Variants in BLOC1S3 observed in about 807,000 individuals in gnomAD.
BLOC1S3 encodes biogenesis of lysosomal organelles complex 1 subunit 3.
BLOC1S3 carries 7 observed loss-of-function variants against 9.1 expected under a neutral mutation model. The observed-to-expected ratio is 0.77, with a 90% confidence interval of 0.44 to 1.45. The LOEUF is 1.45. Among genes scored for constraint, BLOC1S3 ranks in the 40% most tolerant of loss-of-function variants. The pLI is 0.01. For missense variants in BLOC1S3, 307 were observed against 315.2 expected (o/e 0.97, Z 0.20); for synonymous variants, 145 against 158.4 (o/e 0.92, Z 0.64).
rs200567085 is a variant in BLOC1S3, at chr19:45,179,787, G to A, written c.491G>A (p.Arg164His). Residue 164 changes from arginine (R) to histidine (H), a missense_variant, in exon 2 of 2, where the codon CGC becomes CAC. Coordinates refer to ENST00000433642, the MANE Select transcript of BLOC1S3 (RefSeq NM_212550.5). This position sits in a 1 kb window ranked among gnomAD's most constrained non-coding sequence, Gnocchi z 4.6. Reference sequence around the variant, plus strand: ...GCGGCCCACAGCGTGCGCCTGGCGCGCGGGGACCTTTGTGCGCTGGCCGAG... The same window carrying A: ...GCGGCCCACAGCGTGCGCCTGGCGCACGGGGACCTTTGTGCGCTGGCCGAG... The part of the protein sequence containing the change: ...LAAAHSVRLA[R>H]GDLCALAERL... 321 of 1,578,042 alleles carry A rather than the reference G, an allele frequency of 2.0e-4. 2 individuals carry two copies. The African/African-American group carries it at 4.0e-3, about 20-fold the overall frequency.
rs375086372 is a variant in BLOC1S3 at position 45,203,857 on chromosome 19, G to A, written n.282+1350G>A. ...GCTGCCAGGAGATGTGGGAGGGGTG[G>A]CATTTTGGGGTAGCACCTCACCCCA... On this transcript the variant is annotated intron_variant and non_coding_transcript_variant, in intron 3 of 3. Coordinates refer to the BLOC1S3 transcript ENST00000591569. Among the ~76,000 whole-genome samples, 432 of 152,190 alleles carry A rather than the reference G, an allele frequency of 2.8e-3. 7 individuals carry two copies. Among genetic ancestry groups the A allele is most frequent in the African/African-American group, 9.9e-3 (410 of 41,530 alleles).
At chr19:45,187,855 T>G (rs2122899885) in intron 2 of BLOC1S3, 1 of 152,192 alleles carries the variant, frequency 6.6e-6, no homozygotes, top group African/African-American at 2.4e-5. Context: ...TACCCTCCCG[T>G]GCACTTTATT....
At chr19:45,202,812 T>C (rs1041302261) in intron 3 of BLOC1S3, among the ~76,000 whole-genome samples, 1 of 152,116 alleles carries the variant, frequency 6.6e-6, no homozygotes, top group Non-Finnish European at 1.5e-5. Flanking sequence ...GAGCACTCTC[T>C]GGCAACCACT....
chr19:45,194,106 T>C, intron 2 of BLOC1S3, among the ~76,000 whole-genome samples: 1 of 79,376 alleles, frequency 1.3e-5, no homozygotes, highest in African/African-American at 5.1e-5. Flanking sequence ...CCTGGCCTTT[T>C]TTTTTTTTTT....
chr19:45,216,061 G>A (rs372606996), intron 3 of BLOC1S3: 285 of 1,613,062 alleles, frequency 1.8e-4, no homozygotes, highest in Non-Finnish European at 2.2e-4. Flanking sequence ...TGGCCCAGGC[G>A]GGGTGTCTCA....
At chr19:45,186,873 G>C (rs974467013), upstream of BLOC1S3, among the ~76,000 whole-genome samples, 4 of 152,282 alleles carry the variant, frequency 2.6e-5, no homozygotes, top group East Asian at 5.8e-4. Context: ...CTGGACTCTG[G>C]GCTGTCCTCT....
At position 45,179,558 on chromosome 19, in the gene BLOC1S3, G is replaced by T; in HGVS notation, c.262G>T (p.Glu88Ter). The T allele has an allele frequency of 6.6e-7, 1 of 1,518,206 alleles. No homozygotes were observed. Among genetic ancestry groups the T allele is most frequent in the Non-Finnish European group, 8.8e-7 (1 of 1,140,440 alleles). The allele number at this position is 1,518,206 out of a possible 1,614,324, so 94.0% of individuals were successfully genotyped here. A position where few individuals can be genotyped will look rare whatever the true frequency, so the allele number is the denominator to read the frequency against. ...RDLPPLVVQR[E>*]SAEEAWGTEE... ...CCTGCCTCCACTCGTGGTGCAGCGGGAATCGGCGGAGGAGGCCTGGGGCAC... is the reference window on the plus strand; with the variant it reads ...CCTGCCTCCACTCGTGGTGCAGCGGTAATCGGCGGAGGAGGCCTGGGGCAC... Residue 88 changes from glutamate to a stop codon, truncating the protein, a stop_gained, in exon 2 of 2, where the codon GAA becomes TAA. Coordinates refer to ENST00000433642, the MANE Select transcript of BLOC1S3 (RefSeq NM_212550.5). LOFTEE classifies it high-confidence loss of function. The surrounding 1 kb of genome is among the most constrained non-coding windows in gnomAD (Gnocchi z 4.6).
intron 2 of BLOC1S3, among the ~76,000 whole-genome samples, chr19:45,200,833 A>C (rs920529920): frequency 3.9e-5 from 6 of 152,224 alleles, no homozygotes; most frequent in Admixed American, 2.6e-4. Context: ...GTTGTGAACT[A>C]AACTTTTGGT....
At chr19:45,208,614 G>A (rs1208059521) in intron 3 of BLOC1S3, among the ~76,000 whole-genome samples, 4 of 152,120 alleles carry the variant, frequency 2.6e-5, no homozygotes, top group African/African-American at 7.2e-5. Context: ...AATTAGCTGG[G>A]TGTGGTGGTG....
At chr19:45,188,240 C>T (rs1469007965) in intron 2 of BLOC1S3, among the ~76,000 whole-genome samples, 1 of 152,178 alleles carries the variant, frequency 6.6e-6, no homozygotes, top group Non-Finnish European at 1.5e-5. Context: ...CCAGGCTGGT[C>T]TCGAACTCCC....
intron 2 of BLOC1S3, among the ~76,000 whole-genome samples, chr19:45,190,405 T>C (rs1480213673): frequency 2.6e-5 from 4 of 151,872 alleles, no homozygotes; most frequent in Admixed American, 6.6e-5. Flanking sequence ...TTTTTGTTTG[T>C]TTGTTTCTTG....
intron 3 of BLOC1S3, among the ~76,000 whole-genome samples, chr19:45,208,252 A>G (rs10415550): frequency 0.67 from 101,458 of 151,478 alleles, 35,235 homozygotes; most frequent in African/African-American, 0.86. Flanking sequence ...GATTACAGGC[A>G]TGAGCCACCA....
chr19:45,209,977 A>G (rs1014039382), intron 3 of BLOC1S3, among the ~76,000 whole-genome samples: 9 of 146,972 alleles, frequency 6.1e-5, no homozygotes, highest in Admixed American at 2.7e-4. Context: ...TGATCCGCCC[A>G]CCTCAGCCAC....
chr19:45,202,031 G>C lies in BLOC1S3; in HGVS notation n.181-375G>C, dbSNP rs1328428301. On this transcript the variant is annotated intron_variant and non_coding_transcript_variant, in intron 2 of 3. Transcript: ENST00000591569. The stretch of plus-strand genomic sequence containing the variant: ...GAGGTCAGGAGATCGAGACCATCCT[G>C]GCTAACATGGTGAAACCCCGTCTCT... 5.9e-5 allele frequency among the ~76,000 whole-genome samples: 9 copies of C among 151,858 alleles called. No individual in the cohort carries two copies. In the East Asian group the frequency reaches 1.4e-3, roughly 23 times the overall value.
At chr19:45,201,130 G>C (rs963626348) in intron 2 of BLOC1S3, among the ~76,000 whole-genome samples, 1 of 151,882 alleles carries the variant, frequency 6.6e-6, no homozygotes, top group Non-Finnish European at 1.5e-5. Context: ...TTGCGCATGG[G>C]AGGTGGAGGT....
chr19:45,186,441 C>T (rs1368151524), downstream of BLOC1S3, among the ~76,000 whole-genome samples: 3 of 151,894 alleles, frequency 2.0e-5, no homozygotes, highest in African/African-American at 7.2e-5. Context: ...CCACCATGCC[C>T]AGCCTGTAAT....
chr19:45,188,005 T>C lies in BLOC1S3; in HGVS notation n.180+265T>C, dbSNP rs139263146. Among the ~76,000 whole-genome samples the C allele has an allele frequency of 6.0e-4, 91 of 152,108 alleles. 1 individual carries two copies. Among genetic ancestry groups the C allele is most frequent in the African/African-American group, 2.2e-3 (91 of 41,526 alleles). On this transcript the variant is annotated intron_variant and non_coding_transcript_variant, in intron 2 of 3. Coordinates refer to the BLOC1S3 transcript ENST00000591569. ...TGGGGTATCCACTCCCTCAAGCATT[T>C]ACTCTATGTTACAATCCAATTACAC... is the stretch of plus-strand genomic sequence containing the variant.
intron 2 of BLOC1S3, among the ~76,000 whole-genome samples, chr19:45,198,726 C>T (rs1290645942): frequency 6.6e-6 from 1 of 151,978 alleles, no homozygotes; most frequent in Non-Finnish European, 1.5e-5. Flanking sequence ...GAGTCTCACT[C>T]AGTCACCCAG....
intron 2 of BLOC1S3, among the ~76,000 whole-genome samples, chr19:45,188,039 T>G (rs1377039573): frequency 3.3e-5 from 5 of 152,114 alleles, no homozygotes; most frequent in Non-Finnish European, 5.9e-5. Context: ...ACATTTTTTT[T>G]TGAGAGAGAG....
Sources: gnomAD v4.1 joint callset for allele counts (sites outside exome capture counted in the v4.1 genomes callset) on GRCh38, gnomAD v4.1.1 for gene constraint, Gnocchi (gnomAD v3.1) non-coding constraint, MANE v1.5 for transcripts, NCBI Gene and HGNC (gene_info 2026-07-23, HGNC 2026-07-21) for gene names.